The following NOD1 variants were observed in gnomAD, a reference collection of about 807,000 sequenced individuals.
NOD1 encodes nucleotide binding oligomerization domain containing 1, also known as nucleotide-binding oligomerization domain-containing protein 1.
Under a neutral mutation model 81.2 loss-of-function variants are expected in NOD1, and 70 were observed. The observed-to-expected ratio is 0.86, with a 90% CI of 0.71 to 1.05. The LOEUF is 1.05. NOD1 is among the 50% of genes least tolerant of loss of function. The probability of loss-of-function intolerance (pLI) is 0.00; values close to 1 mark genes in which losing one functional copy is unlikely to be tolerated. For synonymous variants in NOD1, 508 were observed against 526.9 expected, an observed-to-expected ratio of 0.96 and a Z score of 0.49; for missense variants, 1,233 against 1,228.0, an observed-to-expected ratio of 1.00 and a Z score of -0.06.
At chr7:30,439,277 T>G (rs969528979) in intron 9 of NOD1, among the ~76,000 whole-genome samples, 10 of 141,174 alleles carry the variant, frequency 7.1e-5, no homozygotes, top group African/African-American at 3.2e-4. Context: ...TAGGAACAGC[T>G]CCGGTCTACA....
rs530486799 is a variant in NOD1, at chr7:30,445,409, T to G, written c.2453+732A>C. ...AAGCCAGTGTCTGTTCTTGGATGAA[T>G]GAGTAAACAAAATGTGGCATAGCCA... is the stretch of plus-strand genomic sequence containing the variant. On this transcript the variant is annotated intron_variant, in intron 9 of 13. Transcript: ENST00000222823. Among the ~76,000 whole-genome samples the G allele has an allele frequency of 2.2e-4, 34 of 151,770 alleles. 1 individual carries two copies. In the South Asian group the frequency reaches 3.5e-3, roughly 16 times the overall value.
At chr7:30,426,900 T>G (rs1264681834) in intron 13 of NOD1, among the ~76,000 whole-genome samples, 1 of 152,180 alleles carries the variant, frequency 6.6e-6, no homozygotes, top group African/African-American at 2.4e-5. Flanking sequence ...AAGTGCTGCT[T>G]CCTCAGAGAG....
At chr7:30,469,024 G>A (rs944337967) in intron 1 of NOD1, 9 of 985,310 alleles carry the variant, frequency 9.1e-6, no homozygotes, top group African/African-American at 1.7e-5. Context: ...ACACAGCTTC[G>A]ACAGAGCTGC....
chr7:30,456,096 G>A (rs1786341177), intron 4 of NOD1, among the ~76,000 whole-genome samples: 1 of 152,228 alleles, frequency 6.6e-6, no homozygotes, highest in Admixed American at 6.5e-5. Context: ...CAAAGCACAC[G>A]AGTGTGCTAC....
In NOD1 at chr7:30,453,002, G is replaced by T; in HGVS notation, c.415C>A (p.Arg139Ser). 1 of 1,613,096 alleles carries T rather than the reference G, an allele frequency of 6.2e-7. No individual in the cohort carries two copies. Among genetic ancestry groups the T allele is most frequent in the Non-Finnish European group, 8.5e-7 (1 of 1,179,506 alleles). ...TAGCACAGCACGAACTTGGAGTCAC[G>T]GCCCAGATGGTGTCGCAGCTGCTGG... is the stretch of plus-strand genomic sequence containing the variant. ...YTQQLRHHLG[R>S]DSKFVLCYAQ... Residue 139 changes from arginine to serine, a missense_variant, in exon 6 of 14, where the codon CGT becomes AGT. Arg to Ser is a moderately radical substitution (Grantham distance 110). Coordinates refer to ENST00000222823, the MANE Select transcript of NOD1 (RefSeq NM_006092.4).
intron 6 of NOD1, among the ~76,000 whole-genome samples, chr7:30,449,273 T>C (rs960088238): frequency 1.3e-5 from 2 of 152,080 alleles, no homozygotes; most frequent in African/African-American, 4.8e-5. Context: ...TGCTGGGAAA[T>C]AGTGTGTATG....
chr7:30,457,643 G>A (rs1786522924), intron 3 of NOD1, among the ~76,000 whole-genome samples: 1 of 152,108 alleles, frequency 6.6e-6, no homozygotes, highest in Admixed American at 6.5e-5. Flanking sequence ...ATGGAAAGGT[G>A]TTTATTTTAC....
chr7:30,460,206 G>A (rs1416815054), intron 1 of NOD1, 165 bp from the exon 2 acceptor site: 2 of 981,198 alleles, frequency 2.0e-6, no homozygotes, highest in Non-Finnish European at 2.4e-6. Flanking sequence ...ACTGAACTCT[G>A]CCTTGGTAAA....
At chr7:30,435,421 T>C (rs558206639) in intron 11 of NOD1, among the ~76,000 whole-genome samples, 1 of 152,304 alleles carries the variant, frequency 6.6e-6, no homozygotes, top group African/African-American at 2.4e-5. Context: ...CCTGGATAGC[T>C]TGCATGGCCA....
At chr7:30,435,534 T>A (rs1440306256) in intron 11 of NOD1, among the ~76,000 whole-genome samples, 2 of 152,130 alleles carry the variant, frequency 1.3e-5, no homozygotes, top group Non-Finnish European at 2.9e-5. Flanking sequence ...GAAGTGGCTA[T>A]TCTCTTCTCT....
Position 30,447,017 on chromosome 7 carries a change from G to A in NOD1, c.2319C>T (p.Ala773=), listed in dbSNP as rs763616996. Residue 773 remains alanine, a synonymous_variant, in exon 8 of 14, where the codon GCC becomes GCT. Transcript: ENST00000222823. The part of the protein sequence containing the change: ...LYNNQITDVG[A]RYVTKILDEC... ...CATCCAGGATTTTGGTGACGTACCT[G>A]GCTCCGACATCGGTGATCTGGTTGT... The A allele has an allele frequency of 1.9e-6, 3 of 1,614,068 alleles. No individual in the cohort carries two copies. The highest frequency in any genetic ancestry group is 2.7e-5 in the African/African-American group (2 of 74,940).
At chr7:30,446,000 T>C (rs1785028341) in intron 9 of NOD1, 141 bp downstream of exon 9, 3 of 689,212 alleles carry the variant, frequency 4.4e-6, no homozygotes, top group Non-Finnish European at 7.8e-6. Flanking sequence ...TTTCGCAGCA[T>C]GGTGAAAGCT....
In NOD1 at chr7:30,451,912, G is replaced by A. The variant is rs139263345; in HGVS notation, c.1505C>T (p.Pro502Leu). 1.1e-4 allele frequency: 174 copies of A among 1,613,396 alleles called. No individual in the cohort carries two copies. Among genetic ancestry groups the A allele is most frequent in the Admixed American group, 1.8e-4 (11 of 60,006 alleles). ...DMQLGFLRALPELGPGGDQQS... is the reference protein window; with the variant it reads ...DMQLGFLRALLELGPGGDQQS... ...CTGGTCACCCCCGGGGCCCAGCTCC[G>A]GCAAAGCCCGCAGGAAGCCCAGCTG... The change falls in exon 6 of 14, where the codon CCG (proline) becomes CTG (leucine). Residue 502 changes from proline (P) to leucine (L), a missense_variant. Pro to Leu is a moderately conservative substitution (Grantham distance 98). Transcript: ENST00000222823. The surrounding 1 kb of genome is among the most constrained non-coding windows in gnomAD (Gnocchi z 4.2).
At chr7:30,434,763 G>A (rs748896573) in intron 11 of NOD1, among the ~76,000 whole-genome samples, 1 of 152,116 alleles carries the variant, frequency 6.6e-6, no homozygotes, top group Non-Finnish European at 1.5e-5. Flanking sequence ...ATTTGTTGAG[G>A]GGAAAGAATT....
chr7:30,425,797 A>AC, intron 13 of NOD1, 87 bp from the exon 14 acceptor site: 1 of 884,564 alleles, frequency 1.1e-6, no homozygotes, highest in Non-Finnish European at 1.9e-6. Flanking sequence ...CATAGCACAC[A>AC]CTCGTGTATC....
intron 11 of NOD1, 39 bp downstream of exon 11, chr7:30,435,959 G>C (rs1332395307): frequency 1.3e-6 from 2 of 1,552,172 alleles, no homozygotes; most frequent in Admixed American, 3.3e-5. Flanking sequence ...CCCTATCACA[G>C]AAAAACAAAC....
chr7:30,451,920 C>T lies in NOD1; in HGVS notation c.1497G>A (p.Arg499=), dbSNP rs749098784. ...QERDMQLGFL[R]ALPELGPGGD... ...CCCCGGGGCCCAGCTCCGGCAAAGC[C>T]CGCAGGAAGCCCAGCTGCATGTCTC... The change falls in exon 6 of 14, where the codon CGG becomes CGA. Residue 499 remains arginine (R), a synonymous_variant. Transcript: ENST00000222823. The surrounding 1 kb of genome is among the most constrained non-coding windows in gnomAD (Gnocchi z 4.2). The T allele has an allele frequency of 6.2e-7, 1 of 1,613,558 alleles. No homozygotes were observed. Among genetic ancestry groups the T allele is most frequent in the South Asian group, 1.1e-5 (1 of 91,080 alleles).
chr7:30,446,303 G>A (rs1365614007), intron 8 of NOD1, 79 bp from the exon 9 acceptor site: 4 of 972,228 alleles, frequency 4.1e-6, no homozygotes. Context: ...CCAGCACAGA[G>A]CCCCTTCCAG....
intron 4 of NOD1, among the ~76,000 whole-genome samples, chr7:30,456,331 C>T (rs1031554968): frequency 2.0e-5 from 3 of 152,232 alleles, no homozygotes; most frequent in Non-Finnish European, 4.4e-5. Context: ...ATTCCTGACC[C>T]TGAGTCGGTT....
Sources: gnomAD v4.1 joint callset for allele counts (sites outside exome capture counted in the v4.1 genomes callset) on GRCh38, gnomAD v4.1.1 for gene constraint, Gnocchi (gnomAD v3.1) non-coding constraint, MANE v1.5 for transcripts, NCBI Gene and HGNC (gene_info 2026-07-23, HGNC 2026-07-21) for gene names.